The following PRKD1 variants were observed in gnomAD, a reference collection of about 807,000 sequenced individuals.
PRKD1 encodes serine/threonine-protein kinase D1.
A neutral mutation model predicts 95.9 loss-of-function variants in PRKD1; 63 were observed. The ratio of observed to expected loss-of-function variants is 0.66; its 90% CI spans 0.54 to 0.81. The LOEUF is 0.81. PRKD1 is among the 30% of genes least tolerant of loss of function. The pLI, the probability that PRKD1 is intolerant of heterozygous loss-of-function variation, is 0.00. For synonymous variants in PRKD1, 425 were observed against 423.1 expected (o/e 1.00, Z -0.05); for missense variants, 1,048 against 1,165.3 (o/e 0.90, Z 1.47).
At chr14:29,627,931 G>A (rs1879732323) in intron 11 of PRKD1, among the ~76,000 whole-genome samples, 1 of 152,106 alleles carries the variant, frequency 6.6e-6, no homozygotes, top group African/African-American at 2.4e-5. Context: ...TGTTCTTTAG[G>A]CTTTCCGATA....
chr14:29,847,938 T>C (rs576083079), intron 1 of PRKD1, among the ~76,000 whole-genome samples: 6 of 152,144 alleles, frequency 3.9e-5, no homozygotes, highest in East Asian at 1.9e-4. Flanking sequence ...GCAAGAAGCA[T>C]AGGAATTGTC....
intron 2 of PRKD1, among the ~76,000 whole-genome samples, chr14:29,699,329 A>G (rs1301725478): frequency 6.6e-6 from 1 of 152,130 alleles, no homozygotes; most frequent in Non-Finnish European, 1.5e-5. Flanking sequence ...ACTGTATCCA[A>G]TACTGGGCTT....
intron 2 of PRKD1, among the ~76,000 whole-genome samples, chr14:29,694,035 C>G (rs1037126221): frequency 6.6e-6 from 1 of 152,082 alleles, no homozygotes; most frequent in South Asian, 2.1e-4. Flanking sequence ...TTCATAGGAA[C>G]CCTCTACCTT....
intron 2 of PRKD1, among the ~76,000 whole-genome samples, chr14:29,670,493 A>T (rs1486546339): frequency 6.6e-6 from 1 of 152,150 alleles, no homozygotes; most frequent in Admixed American, 6.5e-5. Context: ...ATAACATAGG[A>T]TTGTCTATAT....
chr14:29,618,739 C>A (rs1365143193), intron 13 of PRKD1, among the ~76,000 whole-genome samples: 2 of 150,248 alleles, frequency 1.3e-5, no homozygotes, highest in Non-Finnish European at 3.0e-5. Context: ...TAAATCAGAT[C>A]TTGGAAAGCC....
chr14:29,686,827 G>A (rs941575336), intron 2 of PRKD1, among the ~76,000 whole-genome samples: 10 of 152,184 alleles, frequency 6.6e-5, no homozygotes, highest in Admixed American at 1.3e-4. Flanking sequence ...TACTGTAGAA[G>A]GAAATACATT....
intron 8 of PRKD1, 105 bp from the exon 9 acceptor site, chr14:29,633,051 G>GCCC: frequency 9.7e-7 from 1 of 1,034,316 alleles, no homozygotes; most frequent in African/African-American, 1.6e-5. Context: ...TTTGAGGGTG[G>GCCC]AAAGTGCATG....
At chr14:29,744,583 T>G (rs1566575666) in intron 1 of PRKD1, among the ~76,000 whole-genome samples, 2 of 152,124 alleles carry the variant, frequency 1.3e-5, no homozygotes, top group Admixed American at 1.3e-4. Flanking sequence ...TTTCACCCTT[T>G]TTGCCCAGGC....
At chr14:29,742,633 A>G (rs1331480998) in intron 1 of PRKD1, among the ~76,000 whole-genome samples, 5 of 152,288 alleles carry the variant, frequency 3.3e-5, no homozygotes, top group Admixed American at 6.5e-5. Flanking sequence ...TTGAGGAAAA[A>G]ATCTATAGAT....
intron 1 of PRKD1, among the ~76,000 whole-genome samples, chr14:29,813,665 G>A (rs1166376033): frequency 6.6e-6 from 1 of 152,036 alleles, no homozygotes; most frequent in Non-Finnish European, 1.5e-5. Context: ...AATACCACAA[G>A]GCCTAGCACA....
At chr14:29,672,696 T>C (rs529881519) in intron 2 of PRKD1, among the ~76,000 whole-genome samples, 1 of 152,242 alleles carries the variant, frequency 6.6e-6, no homozygotes, top group East Asian at 1.9e-4. Flanking sequence ...ACAGTAGATT[T>C]ATTTATAATA....
chr14:29,671,974 AC>A (rs1882871593), intron 2 of PRKD1, among the ~76,000 whole-genome samples: 1 of 152,190 alleles, frequency 6.6e-6, no homozygotes, highest in Non-Finnish European at 1.5e-5. Context: ...AGAATTAGTG[AC>A]CCAGAAATCT....
At chr14:29,700,444 G>A (rs904915458) in intron 2 of PRKD1, among the ~76,000 whole-genome samples, 8 of 152,046 alleles carry the variant, frequency 5.3e-5, no homozygotes, top group East Asian at 1.9e-4. Flanking sequence ...CTGCTGACAC[G>A]TAGAAGAAGC....
At position 29,624,227 on chromosome 14, in the gene PRKD1, A is replaced by T; in HGVS notation, c.1830T>A (p.Ala610=). The part of the protein sequence containing the change: ...GKHRKTGRDV[A]IKIIDKLRFP... ...ATCGTAATTTGTCAATGATTTTAAT[A>T]GCTACATCTCTTCCTGTTTTACGAT... The change falls in exon 13 of 18, where the codon GCT becomes GCA. Residue 610 remains alanine (A), a synonymous_variant. Transcript: ENST00000331968. 6.2e-7 allele frequency: 1 copy of T among 1,605,436 alleles called. No individual in the cohort carries two copies. The highest frequency in any genetic ancestry group is 1.3e-5 in the African/African-American group (1 of 74,772).
intron 16 of PRKD1, among the ~76,000 whole-genome samples, chr14:29,579,964 C>T (rs199912141): frequency 1.3e-5 from 2 of 152,176 alleles, no homozygotes; most frequent in East Asian, 1.9e-4. Context: ...GATTTACTCA[C>T]TGGTGAGTAA....
At chr14:29,902,282 G>T (rs1894346749) in intron 1 of PRKD1, among the ~76,000 whole-genome samples, 1 of 151,498 alleles carries the variant, frequency 6.6e-6, no homozygotes, top group African/African-American at 2.4e-5. Context: ...AAGGAATTAT[G>T]ATTTATCAAT....
intron 1 of PRKD1, among the ~76,000 whole-genome samples, chr14:29,892,738 G>A (rs1305915256): frequency 2.0e-5 from 3 of 152,132 alleles, no homozygotes; most frequent in Non-Finnish European, 4.4e-5. Context: ...ACACTGTCCT[G>A]TTGGTACTTT....
chr14:29,690,541 C>T (rs926866617), intron 2 of PRKD1, among the ~76,000 whole-genome samples: 1 of 152,252 alleles, frequency 6.6e-6, no homozygotes, highest in Non-Finnish European at 1.5e-5. Flanking sequence ...ATAAAGCCAC[C>T]ATCATCTCTT....
intron 1 of PRKD1, among the ~76,000 whole-genome samples, chr14:29,754,115 GC>G (rs1887597532): frequency 6.6e-6 from 1 of 152,086 alleles, no homozygotes. Context: ...CCAACTTTTT[GC>G]AGCTTAACTG....
Sources: gnomAD v4.1 joint callset for allele counts (sites outside exome capture counted in the v4.1 genomes callset) on GRCh38, gnomAD v4.1.1 for gene constraint, MANE v1.5 for transcripts, NCBI Gene and HGNC (gene_info 2026-07-23, HGNC 2026-07-21) for gene names.